The following COQ8B variants were observed in gnomAD, a reference collection of about 807,000 sequenced individuals.
The protein encoded by COQ8B is coenzyme Q8B.
COQ8B carries 44 observed loss-of-function variants against 62.0 expected under a neutral mutation model. The ratio of observed to expected loss-of-function variants is 0.71; its 90% CI spans 0.56 to 0.91. The LOEUF (loss-of-function observed/expected upper bound fraction) is 0.91. Ranked by LOEUF, COQ8B falls within the 40% of genes least tolerant of loss-of-function variation. COQ8B has a pLI of 0.00. For synonymous variants in COQ8B, 252 were observed against 289.9 expected, an observed-to-expected ratio of 0.87 and a Z score of 1.33; for missense variants, 649 against 731.6, an observed-to-expected ratio of 0.89 and a Z score of 1.30.
chr19:40,708,424 T>G (rs1352546055), intron 5 of COQ8B, among the ~76,000 whole-genome samples: 1 of 152,232 alleles, frequency 6.6e-6, no homozygotes, highest in African/African-American at 2.4e-5. Flanking sequence ...CCTAAGTGTC[T>G]TTGTGGATTC....
chr19:40,705,058 C>G (rs771747054), intron 7 of COQ8B, 38 bp downstream of exon 7: 2 of 1,551,554 alleles, frequency 1.3e-6, no homozygotes, highest in South Asian at 1.2e-5. Flanking sequence ...GGAGATGGAG[C>G]CTGCCTCCCT....
intron 1 of COQ8B, 86 bp from the exon 2 acceptor site, chr19:40,714,721 T>C: frequency 4.4e-6 from 6 of 1,354,266 alleles, no homozygotes; most frequent in Non-Finnish European, 6.0e-6. Flanking sequence ...CCACCCTCTC[T>C]CATTCCCACC....
At chr19:40,700,586 T>C in intron 10 of COQ8B, 135 bp from the exon 11 acceptor site, 1 of 1,131,646 alleles carries the variant, frequency 8.8e-7, no homozygotes, top group East Asian at 2.6e-5. Context: ...CATCTCTTGC[T>C]GCTGTCTGCC....
At chr19:40,703,979 A>AC (rs910123563) in intron 7 of COQ8B, 124 bp from the exon 8 acceptor site, 8 of 1,277,794 alleles carry the variant, frequency 6.3e-6, no homozygotes, top group Non-Finnish European at 7.3e-6. Context: ...CTTGGCTGCC[A>AC]CCCCCTTTGC....
chr19:40,696,332 T>C (rs997936562), intron 12 of COQ8B, among the ~76,000 whole-genome samples: 3 of 151,976 alleles, frequency 2.0e-5, no homozygotes, highest in African/African-American at 4.8e-5. Context: ...AAAAGTAAAA[T>C]GAATACTCAC....
chr19:40,711,641 C>T (rs1038515464), intron 4 of COQ8B, among the ~76,000 whole-genome samples: 3 of 152,120 alleles, frequency 2.0e-5, no homozygotes, highest in African/African-American at 7.2e-5. Flanking sequence ...CTCTGATTTC[C>T]TCTGCTACCT....
rs1261602445 is a variant in COQ8B, at chr19:40,692,378, G to T, written c.1297-5C>A. 4.3e-6 allele frequency: 7 copies of T among 1,612,034 alleles called. No homozygotes were observed. Among genetic ancestry groups the T allele is most frequent in the African/African-American group, 1.3e-5 (1 of 74,860 alleles). ...CACGTGGGCGTCGGAGAATGCCTGG[G>T]AGTGGGGGTGGGGGGAGAGCAAAGG... On this transcript the variant is annotated splice_polypyrimidine_tract_variant and splice_region_variant and intron_variant, in intron 14 of 14. Transcript: ENST00000324464.
At chr19:40,713,505 C>T (rs182500595) in intron 4 of COQ8B, among the ~76,000 whole-genome samples, 5 of 149,386 alleles carry the variant, frequency 3.3e-5, no homozygotes, top group East Asian at 2.0e-4. Context: ...GCCAAGATGG[C>T]GCCACTGCAC....
chr19:40,714,899 TCCTCAGGGG>T, intron 1 of COQ8B: 1 of 1,249,422 alleles, frequency 8.0e-7, no homozygotes, highest in Admixed American at 4.1e-5. Flanking sequence ...CACCCACAGT[TCCTCAGGGG>T]CTACCTCTCC....
In COQ8B at chr19:40,692,002, C is replaced by A; in HGVS notation, c.*33G>T. On this transcript the variant is annotated 3_prime_UTR_variant, in exon 15 of 15. Coordinates refer to ENST00000324464, the MANE Select transcript of COQ8B (RefSeq NM_024876.4). ...AAGAGGCACTACAGCAGGGTACGGCCTGCTCTGGGGACTGAATCCCCCATG... is the reference window on the plus strand; with the variant it reads ...AAGAGGCACTACAGCAGGGTACGGCATGCTCTGGGGACTGAATCCCCCATG... 1 of 1,552,064 alleles carries A rather than the reference C, an allele frequency of 6.4e-7. No individual in the cohort carries two copies. Among genetic ancestry groups the A allele is most frequent in the South Asian group, 1.2e-5 (1 of 84,374 alleles).
At chr19:40,702,956 A>G (rs2082072470) in intron 9 of COQ8B, among the ~76,000 whole-genome samples, 1 of 148,192 alleles carries the variant, frequency 6.7e-6, no homozygotes, top group Admixed American at 6.6e-5. Flanking sequence ...ATCTGTCTAC[A>G]CATTTCCCTC....
intron 9 of COQ8B, 31 bp from the exon 10 acceptor site, chr19:40,702,724 G>A (rs1399283343): frequency 2.3e-5 from 37 of 1,595,588 alleles, no homozygotes; most frequent in Non-Finnish European, 3.2e-5. Context: ...CCAGGGAAGG[G>A]CCCCGAGCGC....
chr19:40,715,227 A>C (rs2082176843), intron 1 of COQ8B: 1 of 985,426 alleles, frequency 1.0e-6, no homozygotes. Context: ...GGCCCTAGCG[A>C]TGGAGCCTGG....
intron 12 of COQ8B, among the ~76,000 whole-genome samples, chr19:40,699,794 G>A (rs1427476090): frequency 6.6e-6 from 1 of 152,182 alleles, no homozygotes; most frequent in Admixed American, 6.5e-5. Flanking sequence ...TATTTAGCCT[G>A]GGCATTACTT....
intron 4 of COQ8B, among the ~76,000 whole-genome samples, chr19:40,712,711 T>C (rs1345750778): frequency 6.6e-6 from 1 of 152,222 alleles, no homozygotes; most frequent in African/African-American, 2.4e-5. Context: ...TACAGGTGCA[T>C]GCATATTTTC....
intron 7 of COQ8B, chr19:40,704,863 C>G: frequency 6.0e-6 from 3 of 503,550 alleles, no homozygotes; most frequent in Non-Finnish European, 1.1e-5. Flanking sequence ...GTGTGGCTGT[C>G]ACTATCGCCA....
intron 12 of COQ8B, among the ~76,000 whole-genome samples, 177 bp downstream of exon 12, chr19:40,699,890 C>T (rs1384524677): frequency 6.6e-6 from 1 of 152,152 alleles, no homozygotes; most frequent in Non-Finnish European, 1.5e-5. Flanking sequence ...GTTGCAAGGC[C>T]CCAGGGATGG....
intron 12 of COQ8B, among the ~76,000 whole-genome samples, chr19:40,698,292 TA>T (rs889484186): frequency 1.4e-3 from 180 of 132,466 alleles, no homozygotes; most frequent in Middle Eastern, 8.3e-3. Flanking sequence ...ATCTATTCCA[TA>T]AAAAAAAAAA....
chr19:40,702,769 TCTC>T, intron 9 of COQ8B, 76 bp from the exon 10 acceptor site: 2 of 1,353,130 alleles, frequency 1.5e-6, no homozygotes, highest in Non-Finnish European at 2.1e-6. Flanking sequence ...CAACCCTCTC[TCTC>T]CTGTCTCCCG....
Sources: allele counts gnomAD v4.1 joint callset (sites outside exome capture counted in the v4.1 genomes callset), GRCh38; gene constraint gnomAD v4.1.1; transcripts MANE v1.5; gene names NCBI Gene and HGNC (gene_info 2026-07-23, HGNC 2026-07-21).